MEI1: variants seen among roughly 807,000 people sequenced by gnomAD.
The protein encoded by MEI1 is meiotic double-stranded break formation protein 1.
MEI1 carries 103 observed loss-of-function variants against 146.2 expected under a neutral mutation model. The observed-to-expected ratio is 0.70, with a 90% CI of 0.60 to 0.83. The LOEUF (loss-of-function observed/expected upper bound fraction) is 0.83. Among genes scored for constraint, MEI1 ranks in the 40% least tolerant of loss-of-function variants. MEI1 has a pLI of 0.00. For missense variants in MEI1, 1,529 were observed against 1,533.0 expected, an observed-to-expected ratio of 1.00 and a Z score of 0.04; for synonymous variants, 652 against 628.2, an observed-to-expected ratio of 1.04 and a Z score of -0.57.
intron 3 of MEI1, among the ~76,000 whole-genome samples, chr22:41,710,705 G>A (rs945156036): frequency 2.0e-5 from 3 of 152,182 alleles, no homozygotes; most frequent in Non-Finnish European, 4.4e-5. Context: ...GTGATGTTGT[G>A]CAGAATACCA....
chr22:41,718,358 T>C (rs2070406913), intron 6 of MEI1, 84 bp downstream of exon 6: 1 of 1,344,622 alleles, frequency 7.4e-7, no homozygotes, highest in African/African-American at 1.5e-5. Context: ...TCTCTAGTAG[T>C]GGGGAAGTTT....
chr22:41,725,121 A>AT (rs540175683), intron 7 of MEI1, among the ~76,000 whole-genome samples: 8,911 of 150,208 alleles, frequency 0.059, 720 homozygotes, highest in African/African-American at 0.18. Flanking sequence ...AATTATTATT[A>AT]TTTTTTTTTT....
chr22:41,759,632 A>AAATAAATAAATAAAT (rs1569268709), intron 18 of MEI1, among the ~76,000 whole-genome samples: 2,245 of 135,608 alleles, frequency 0.017, 81 homozygotes, highest in African/African-American at 0.065. Flanking sequence ...TCCGTCTCAA[A>AAATAAATAAATAAAT]AAATAAATAA....
In MEI1 at chr22:41,737,549, T is replaced by TGG. The variant is rs1569216253; in HGVS notation, c.1331+4951_1331+4952dup. ...CCACCGCGCCCGGCCTCTTTTTTTCTGGGGGGTGAGGGGTCAGAGTCTCAC... is the reference window on the plus strand; with the variant it reads ...CCACCGCGCCCGGCCTCTTTTTTTCTGGGGGGGGTGAGGGGTCAGAGTCTCAC... On this transcript the variant is annotated intron_variant, in intron 11 of 30. Transcript: ENST00000401548. 4.0e-5 allele frequency among the ~76,000 whole-genome samples: 6 copies of TGG among 151,486 alleles called. No homozygotes were observed. The South Asian group carries it at 1.0e-3, about 26-fold the overall frequency.
At chr22:41,761,370 A>G (rs1221488161) in intron 18 of MEI1, among the ~76,000 whole-genome samples, 6 of 144,950 alleles carry the variant, frequency 4.1e-5, no homozygotes, top group African/African-American at 1.5e-4. Context: ...GCTGGAGTGC[A>G]GTGGCCCAAT....
chr22:41,782,586 G>C (rs181209459), intron 24 of MEI1, among the ~76,000 whole-genome samples: 1 of 152,240 alleles, frequency 6.6e-6, no homozygotes, highest in African/African-American at 2.4e-5. Context: ...CTCACACTGC[G>C]CCCAATACTG....
At chr22:41,709,373 G>A in intron 3 of MEI1, 1 of 727,122 alleles carries the variant, frequency 1.4e-6, no homozygotes. Context: ...TTAGGCTTGG[G>A]CTCTGGCTTT....
chr22:41,762,401 A>G (rs1257088618), intron 18 of MEI1, among the ~76,000 whole-genome samples: 2 of 135,764 alleles, frequency 1.5e-5, no homozygotes, highest in African/African-American at 5.6e-5. Context: ...TTCCTTTTGT[A>G]TCTTGCTCTC....
chr22:41,743,912 G>A (rs2073080086), intron 12 of MEI1, among the ~76,000 whole-genome samples: 1 of 151,646 alleles, frequency 6.6e-6, no homozygotes. Context: ...GTCTTACTCT[G>A]TGGCCCCAGT....
chr22:41,727,343 C>A (rs147726188), intron 7 of MEI1, among the ~76,000 whole-genome samples: 3 of 152,128 alleles, frequency 2.0e-5, no homozygotes, highest in Admixed American at 1.3e-4. Context: ...TTGCAGTTAA[C>A]GCTTTTCTTG....
chr22:41,742,708 G>A (rs773271645), intron 11 of MEI1, among the ~76,000 whole-genome samples: 1 of 152,196 alleles, frequency 6.6e-6, no homozygotes, highest in African/African-American at 2.4e-5. Flanking sequence ...CTGGATTGCA[G>A]TAGTATGATC....
chr22:41,721,331 G>A (rs1361933046), intron 6 of MEI1, among the ~76,000 whole-genome samples: 1 of 133,808 alleles, frequency 7.5e-6, no homozygotes, highest in Non-Finnish European at 1.5e-5. Flanking sequence ...TGCAACCTCC[G>A]CCTCCCAGGT....
At chr22:41,712,436 C>T (rs982708747) in intron 3 of MEI1, among the ~76,000 whole-genome samples, 5 of 151,246 alleles carry the variant, frequency 3.3e-5, no homozygotes, top group Non-Finnish European at 7.4e-5. Flanking sequence ...GGGGTTTCAC[C>T]GTGTTAGCCA....
rs571917501 is a variant in MEI1, at chr22:41,743,940, G to A, written c.1446+746G>A. The stretch of plus-strand genomic sequence containing the variant: ...GCCCCAGTCTGGAGTGCAGTGGCAC[G>A]ATCTCGACTCACTGCAACCTCCGCC... On this transcript the variant is annotated intron_variant, in intron 12 of 30. Coordinates refer to ENST00000401548, the MANE Select transcript of MEI1 (RefSeq NM_152513.4). 6.5e-4 allele frequency among the ~76,000 whole-genome samples: 98 copies of A among 151,866 alleles called. 1 individual carries two copies. Among genetic ancestry groups the A allele is most frequent in the African/African-American group, 2.3e-3 (94 of 41,380 alleles).
At chr22:41,700,778 A>C in intron 1 of MEI1, among the ~76,000 whole-genome samples, 1 of 90,962 alleles carries the variant, frequency 1.1e-5, no homozygotes, top group South Asian at 3.0e-4. Flanking sequence ...TTTTTTTTGT[A>C]GAAACGGTCC....
rs1269924200 is a variant in MEI1, at chr22:41,716,079, C to G, written c.462C>G (p.Thr154=). 6.2e-7 allele frequency: 1 copy of G among 1,611,970 alleles called. No individual in the cohort carries two copies. Among genetic ancestry groups the G allele is most frequent in the South Asian group, 1.1e-5 (1 of 90,366 alleles). The part of the protein sequence containing the change: ...NMPSMRGSLA[T]LTLLGKLVDA... ...CCTCCATGCGAGGCAGCCTGGCCAC[C>G]CTGACCCTTCTTGGCAAGTTGGTGG... The change falls in exon 5 of 31, where the codon ACC becomes ACG. Residue 154 remains threonine (T), a synonymous_variant. Transcript: ENST00000401548.
rs768758336 is a variant in MEI1, at chr22:41,699,680, G to T, written c.142G>T (p.Ala48Ser). Residue 48 changes from alanine to serine, a missense_variant, in exon 1 of 31, where the codon GCG becomes TCG. Transcript: ENST00000401548. The stretch of plus-strand genomic sequence containing the variant: ...GACCCCCCGCCTGTGCCTGGCCTGC[G>T]CGCTGGAGCTGCTGCCGGACCCCGG... ...PVTPRLCLAC[A>S]LELLPDPGVS... 1 of 1,590,042 alleles carries T rather than the reference G, an allele frequency of 6.3e-7. No individual in the cohort carries two copies. The highest frequency in any genetic ancestry group is 8.6e-7 in the Non-Finnish European group (1 of 1,168,836).
At chr22:41,757,091 TTC>T (rs1209806393) in intron 17 of MEI1, among the ~76,000 whole-genome samples, 2 of 152,122 alleles carry the variant, frequency 1.3e-5, no homozygotes, top group African/African-American at 2.4e-5. Context: ...CACAGTTTGT[TTC>T]TTTCTTTCTT....
Position 41,703,468 on chromosome 22 carries a change from G to A in MEI1, c.298+14G>A. On this transcript the variant is annotated intron_variant, in intron 2 of 30. Transcript: ENST00000401548. Reference sequence around the variant, plus strand: ...GTGTGCTTTTTGGTAAGATTAAGAGGGAAATTTGACATGAGTTTTGAATGT... The same window carrying A: ...GTGTGCTTTTTGGTAAGATTAAGAGAGAAATTTGACATGAGTTTTGAATGT... 6.5e-7 allele frequency: 1 copy of A among 1,547,446 alleles called. No homozygotes were observed. The highest frequency in any genetic ancestry group is 8.7e-7 in the Non-Finnish European group (1 of 1,147,074).
Sources: gnomAD v4.1 joint callset for allele counts (sites outside exome capture counted in the v4.1 genomes callset) on GRCh38, gnomAD v4.1.1 for gene constraint, MANE v1.5 for transcripts, NCBI Gene and HGNC (gene_info 2026-07-23, HGNC 2026-07-21) for gene names.